WSCD2: variants seen among roughly 807,000 people sequenced by gnomAD.
WSCD2 encodes the protein WSC domain sialate O sulfotransferase 2.
In WSCD2, 28 loss-of-function variants were observed where a neutral mutation model predicts 55.7. The ratio of observed to expected loss-of-function variants is 0.50; its 90% CI spans 0.37 to 0.69. The LOEUF (loss-of-function observed/expected upper bound fraction) is 0.69. WSCD2 is among the 30% of genes least tolerant of loss of function. The probability of loss-of-function intolerance (pLI) is 0.00; values close to 1 mark genes in which losing one functional copy is unlikely to be tolerated. For synonymous variants in WSCD2, 301 were observed against 301.9 expected (o/e 1.00, Z 0.03); for missense variants, 616 against 762.1 (o/e 0.81, Z 2.26).
At chr12:108,225,934 G>A (rs1351776353) in intron 5 of WSCD2, among the ~76,000 whole-genome samples, 1 of 152,144 alleles carries the variant, frequency 6.6e-6, no homozygotes, top group Non-Finnish European at 1.5e-5. Context: ...AGGGTAGAGA[G>A]GTATAAATGC....
intron 1 of WSCD2, among the ~76,000 whole-genome samples, chr12:108,130,195 C>G (rs1373915650): frequency 6.6e-6 from 1 of 152,204 alleles, no homozygotes; most frequent in African/African-American, 2.4e-5. Flanking sequence ...ATTCCTGTGC[C>G]CCCTACAGGC....
intron 1 of WSCD2, among the ~76,000 whole-genome samples, chr12:108,166,135 C>G (rs376558253): frequency 6.6e-6 from 1 of 152,328 alleles, no homozygotes; most frequent in South Asian, 2.1e-4. Context: ...GAAAAGCCTC[C>G]TAGTTGGGAG....
intron 1 of WSCD2, among the ~76,000 whole-genome samples, chr12:108,175,600 AGT>A (rs1023368962): frequency 6.6e-6 from 1 of 152,190 alleles, no homozygotes; most frequent in African/African-American, 2.4e-5. Flanking sequence ...AAATAACCCC[AGT>A]GTTACTGCTC....
intron 1 of WSCD2, among the ~76,000 whole-genome samples, chr12:108,173,810 C>CTCTCTCTGTGTGTGTGTGTGTG (rs376999073): frequency 3.0e-5 from 4 of 131,234 alleles, no homozygotes; most frequent in African/African-American, 9.2e-5. Context: ...TCCTGGCTCT[C>CTCTCTCTGTGTGTGTGTGTGTG]TGTGTGTGTG....
intron 1 of WSCD2, among the ~76,000 whole-genome samples, chr12:108,184,002 C>T (rs778260436): frequency 9.9e-5 from 15 of 152,204 alleles, no homozygotes; most frequent in Non-Finnish European, 2.2e-4. Context: ...AGGTGTTTAT[C>T]CATTTTTCTT....
chr12:108,239,638 C>G (rs1889550928), intron 7 of WSCD2, among the ~76,000 whole-genome samples: 1 of 152,222 alleles, frequency 6.6e-6, no homozygotes, highest in Non-Finnish European at 1.5e-5. Flanking sequence ...AGGGTAGGGA[C>G]GCTGACTCCC....
At chr12:108,163,535 A>G (rs974719163) in intron 1 of WSCD2, among the ~76,000 whole-genome samples, 2 of 152,220 alleles carry the variant, frequency 1.3e-5, no homozygotes, top group African/African-American at 2.4e-5. Flanking sequence ...GGTACTTGGC[A>G]GACGTAAATG....
At chr12:108,179,200 G>C (rs1163258800) in intron 1 of WSCD2, among the ~76,000 whole-genome samples, 1 of 149,470 alleles carries the variant, frequency 6.7e-6, no homozygotes, top group East Asian at 2.0e-4. Flanking sequence ...CTGGAAGCCT[G>C]TTAGAAATGC....
chr12:108,151,732 G>A (rs1332372500), intron 1 of WSCD2, among the ~76,000 whole-genome samples: 2 of 152,212 alleles, frequency 1.3e-5, no homozygotes, highest in South Asian at 2.1e-4. Context: ...GGACTCCCTT[G>A]AGGCCACTCT....
At chr12:108,244,432 T>C (rs536054415) in intron 8 of WSCD2, 2 of 693,880 alleles carry the variant, frequency 2.9e-6, no homozygotes, top group African/African-American at 1.7e-5. Context: ...TGATGGAGCA[T>C]GTGGAGAGTC....
chr12:108,240,581 GCTTC>G, intron 8 of WSCD2, 37 bp downstream of exon 8: 1 of 946,508 alleles, frequency 1.1e-6, no homozygotes, highest in Non-Finnish European at 1.5e-6. Flanking sequence ...GAGGGGAGGG[GCTTC>G]GGGCTGCAGG....
In WSCD2 at chr12:108,195,278, G is replaced by C. The variant is rs532681586; in HGVS notation, c.-551-4G>C. 1.5e-4 allele frequency: 23 copies of C among 153,118 alleles called. No individual in the cohort carries two copies. The highest frequency in any genetic ancestry group is 5.5e-4 in the African/African-American group (23 of 41,550). 9.5% of individuals were successfully genotyped at this position (153,118 alleles called of 1,614,324 possible). A position where few individuals can be genotyped will look rare whatever the true frequency, so the allele number is the denominator to read the frequency against. ...CTCATGCCTGTGTCTCTGCTGTTTT[G>C]CAGGTGGCATCCCTGAGTCCTGATG... On this transcript the variant is annotated splice_polypyrimidine_tract_variant and splice_region_variant and intron_variant, in intron 1 of 8. Coordinates refer to ENST00000547525, the MANE Select transcript of WSCD2 (RefSeq NM_014653.4).
rs146987915 is a variant in WSCD2 at position 108,186,338 on chromosome 12, T to C, written c.-551-8944T>C. Among the ~76,000 whole-genome samples, 310 of 152,286 alleles carry C rather than the reference T, an allele frequency of 2.0e-3. 1 individual carries two copies. The highest frequency in any genetic ancestry group is 6.8e-3 in the African/African-American group (282 of 41,554). On this transcript the variant is annotated intron_variant, in intron 1 of 8. Transcript: ENST00000547525. ...CACCAGAGTGGTCCCTTTGTTACAG[T>C]TGATGAACCTACACTGACACATCAT...
At chr12:108,150,951 C>T (rs1030111209) in intron 1 of WSCD2, among the ~76,000 whole-genome samples, 1 of 152,066 alleles carries the variant, frequency 6.6e-6, no homozygotes, top group Non-Finnish European at 1.5e-5. Context: ...ACCTGAGTTT[C>T]TCCTTGGATC....
At chr12:108,240,805 G>C (rs1477695696) in intron 8 of WSCD2, among the ~76,000 whole-genome samples, 1 of 152,220 alleles carries the variant, frequency 6.6e-6, no homozygotes, top group Non-Finnish European at 1.5e-5. Flanking sequence ...TTAAAATCAT[G>C]GGCTTGGGAG....
At chr12:108,208,568 C>A (rs1350282796) in intron 3 of WSCD2, among the ~76,000 whole-genome samples, 1 of 152,126 alleles carries the variant, frequency 6.6e-6, no homozygotes, top group Non-Finnish European at 1.5e-5. Context: ...TAACAGCATG[C>A]TCAAAGGCCA....
chr12:108,193,485 G>C (rs1484446386), intron 1 of WSCD2, among the ~76,000 whole-genome samples: 1 of 151,994 alleles, frequency 6.6e-6, no homozygotes, highest in Non-Finnish European at 1.5e-5. Flanking sequence ...GGCTGCTATA[G>C]TTCAGATGGA....
rs1890298877 is a variant in WSCD2, at chr12:108,249,309, C to T, written c.*966C>T. The T allele has an allele frequency of 6.5e-6, 1 of 152,774 alleles. No individual in the cohort carries two copies. Among genetic ancestry groups the T allele is most frequent in the Non-Finnish European group, 1.5e-5 (1 of 68,076 alleles). 9.5% of individuals were successfully genotyped at this position (152,774 alleles called of 1,614,324 possible). A position where few individuals can be genotyped will look rare whatever the true frequency, so the allele number is the denominator to read the frequency against. ...GTTCTTAATCAGATGGAACCACACC[C>T]AAAATGGACCCCCACTACCTTCCCA... On this transcript the variant is annotated 3_prime_UTR_variant, in exon 9 of 9. Coordinates refer to ENST00000547525, the MANE Select transcript of WSCD2 (RefSeq NM_014653.4).
intron 1 of WSCD2, chr12:108,189,292 C>T (rs1169468866): frequency 1.3e-5 from 2 of 152,154 alleles, no homozygotes; most frequent in Non-Finnish European, 1.5e-5. Flanking sequence ...ATTATTGAGT[C>T]ATCTGTTACA....
Sources: gnomAD v4.1 joint callset for allele counts (sites outside exome capture counted in the v4.1 genomes callset) on GRCh38, gnomAD v4.1.1 for gene constraint, MANE v1.5 for transcripts, NCBI Gene and HGNC (gene_info 2026-07-23, HGNC 2026-07-21) for gene names.